The following KCNIP4 variants were observed in gnomAD, a reference collection of about 807,000 sequenced individuals.
KCNIP4 encodes the protein Kv channel-interacting protein 4.
In KCNIP4, 12 loss-of-function variants were observed where a neutral mutation model predicts 34.0. The ratio of observed to expected loss-of-function variants is 0.35; its 90% CI spans 0.23 to 0.57. The LOEUF is 0.57. KCNIP4 is among the 20% of genes least tolerant of loss of function. KCNIP4 has a pLI of 0.83. For synonymous variants in KCNIP4, 124 were observed against 102.2 expected, an observed-to-expected ratio of 1.21 and a Z score of -1.29; for missense variants, 238 against 311.7, an observed-to-expected ratio of 0.76 and a Z score of 1.78.
intron 1 of KCNIP4, among the ~76,000 whole-genome samples, chr4:21,235,492 G>C (rs1759291273): frequency 6.6e-6 from 1 of 152,108 alleles, no homozygotes; most frequent in Admixed American, 6.6e-5. Context: ...GTTCTCCCCA[G>C]ATATCCATGA....
chr4:21,807,939 A>C (rs1578015691), intron 1 of KCNIP4, among the ~76,000 whole-genome samples: 2 of 152,350 alleles, frequency 1.3e-5, no homozygotes, highest in South Asian at 4.1e-4. Flanking sequence ...GGAGGAATAA[A>C]TATTTCCCTA....
chr4:21,779,334 T>C (rs574681529), intron 1 of KCNIP4, among the ~76,000 whole-genome samples: 56 of 151,730 alleles, frequency 3.7e-4, no homozygotes, highest in Non-Finnish European at 7.4e-4. Context: ...GCACAAATTT[T>C]CCTACTATAG....
chr4:21,896,394 C>A (rs547162865), intron 1 of KCNIP4, among the ~76,000 whole-genome samples: 1 of 152,156 alleles, frequency 6.6e-6, no homozygotes, highest in African/African-American at 2.4e-5. Flanking sequence ...TAGCTGGTAG[C>A]CCATGGGATA....
chr4:21,944,338 G>A (rs1229273947), intron 1 of KCNIP4, among the ~76,000 whole-genome samples: 2 of 151,908 alleles, frequency 1.3e-5, no homozygotes, highest in African/African-American at 4.8e-5. Flanking sequence ...GAGGTCAGGA[G>A]TTCAAAACCA....
At chr4:21,933,986 G>A (rs749077600) in intron 1 of KCNIP4, among the ~76,000 whole-genome samples, 24 of 152,050 alleles carry the variant, frequency 1.6e-4, no homozygotes, top group Non-Finnish European at 2.9e-4. Flanking sequence ...AATATTGAAA[G>A]GATTCATGAC....
chr4:21,358,833 T>G (rs567719315), intron 1 of KCNIP4, among the ~76,000 whole-genome samples: 9 of 152,200 alleles, frequency 5.9e-5, no homozygotes, highest in African/African-American at 2.2e-4. Context: ...ATGCAATAAT[T>G]TGTCTCTTAT....
At chr4:21,441,390 G>A (rs188781913) in intron 1 of KCNIP4, among the ~76,000 whole-genome samples, 120 of 151,886 alleles carry the variant, frequency 7.9e-4, no homozygotes, top group East Asian at 5.8e-3. Context: ...TGATCCGCCC[G>A]TCTCGGCCTC....
chr4:21,021,796 C>A (rs1740066141), intron 1 of KCNIP4, among the ~76,000 whole-genome samples: 1 of 151,382 alleles, frequency 6.6e-6, no homozygotes. Flanking sequence ...TTTACAGTTA[C>A]CTCCCTTTTG....
At chr4:21,000,275 C>T (rs1399096918) in intron 1 of KCNIP4, among the ~76,000 whole-genome samples, 2 of 152,030 alleles carry the variant, frequency 1.3e-5, no homozygotes, top group East Asian at 1.9e-4. Context: ...TCGTCTCAGC[C>T]GCTGCCCTTG....
intron 5 of KCNIP4, among the ~76,000 whole-genome samples, chr4:20,741,992 A>G (rs1043258517): frequency 6.6e-6 from 1 of 152,220 alleles, no homozygotes; most frequent in Non-Finnish European, 1.5e-5. Context: ...ATTCCTGGAC[A>G]CATACACCCT....
At chr4:21,021,574 T>C (rs1340081705) in intron 1 of KCNIP4, among the ~76,000 whole-genome samples, 1 of 152,142 alleles carries the variant, frequency 6.6e-6, no homozygotes, top group Non-Finnish European at 1.5e-5. Flanking sequence ...ATTATTTTAC[T>C]TTAAAAAGAA....
intron 1 of KCNIP4, among the ~76,000 whole-genome samples, chr4:21,364,683 A>G (rs1719556577): frequency 6.6e-6 from 1 of 152,150 alleles, no homozygotes; most frequent in African/African-American, 2.4e-5. Flanking sequence ...AGTAGATATC[A>G]GAAAAAGCTA....
intron 1 of KCNIP4, among the ~76,000 whole-genome samples, chr4:21,093,188 T>C (rs758470773): frequency 1.8e-4 from 27 of 152,186 alleles, no homozygotes; most frequent in Non-Finnish European, 3.2e-4. Flanking sequence ...GAGTTGTACA[T>C]GACCCTTCAT....
chr4:21,621,363 A>T (rs989842416), intron 1 of KCNIP4, among the ~76,000 whole-genome samples: 1 of 152,032 alleles, frequency 6.6e-6, no homozygotes, highest in Non-Finnish European at 1.5e-5. Context: ...TTGCCATCTT[A>T]TTACTTATTT....
At chr4:21,753,310 G>GGCAATCTCTGGGT (rs1717277766) in intron 1 of KCNIP4, among the ~76,000 whole-genome samples, 1 of 152,118 alleles carries the variant, frequency 6.6e-6, no homozygotes, top group African/African-American at 2.4e-5. Flanking sequence ...AGCTTTGTCA[G>GGCAATCTCTGGGT]GCAATCTCTG....
chr4:21,425,947 G>C (rs562487583), intron 1 of KCNIP4, among the ~76,000 whole-genome samples: 9 of 152,180 alleles, frequency 5.9e-5, no homozygotes, highest in African/African-American at 1.4e-4. Flanking sequence ...CCAGGTACTC[G>C]AGAGGCTGAG....
chr4:21,122,388 C>A (rs1376704091), intron 1 of KCNIP4, among the ~76,000 whole-genome samples: 1 of 146,956 alleles, frequency 6.8e-6, no homozygotes, highest in Admixed American at 6.9e-5. Context: ...TTAAATTGTT[C>A]TTGTAGGAAT....
intron 3 of KCNIP4, among the ~76,000 whole-genome samples, chr4:20,779,565 C>A (rs1219554157): frequency 2.5e-5 from 3 of 120,112 alleles, no homozygotes; most frequent in Non-Finnish European, 5.4e-5. Flanking sequence ...ACAAGTCCCC[C>A]CTGCCCCACA....
chr4:21,366,548 A>G (rs1384434304), intron 1 of KCNIP4, among the ~76,000 whole-genome samples: 1 of 152,198 alleles, frequency 6.6e-6, no homozygotes, highest in East Asian at 1.9e-4. Flanking sequence ...TGGGACTGCA[A>G]AAAGTACTTG....
Sources: gnomAD v4.1 joint callset for allele counts (sites outside exome capture counted in the v4.1 genomes callset) on GRCh38, gnomAD v4.1.1 for gene constraint, MANE v1.5 for transcripts, NCBI Gene and HGNC (gene_info 2026-07-23, HGNC 2026-07-21) for gene names.